Variants in BMP2K observed in about 807,000 individuals in gnomAD.
The protein encoded by BMP2K is BMP2 inducible kinase.
A neutral mutation model predicts 116.0 loss-of-function variants in BMP2K; 74 were observed. The ratio of observed to expected loss-of-function variants is 0.64; its 90% CI spans 0.53 to 0.77. The LOEUF (loss-of-function observed/expected upper bound fraction) is 0.77. BMP2K is among the 30% of genes least tolerant of loss of function. The probability of loss-of-function intolerance (pLI) is 0.00; values close to 1 mark genes in which losing one functional copy is unlikely to be tolerated. For synonymous variants in BMP2K, 486 were observed against 502.5 expected, an observed-to-expected ratio of 0.97 and a Z score of 0.44; for missense variants, 1,365 against 1,403.6, an observed-to-expected ratio of 0.97 and a Z score of 0.44.
chr4:78,890,430 G>A (rs1733372165), intron 15 of BMP2K, among the ~76,000 whole-genome samples: 1 of 149,074 alleles, frequency 6.7e-6, no homozygotes, highest in Admixed American at 6.6e-5. Flanking sequence ...ACACACACGT[G>A]TCCTGTCCTT....
In BMP2K at chr4:78,912,216, C is replaced by T. The variant is rs1042873465; in HGVS notation, c.*183C>T. ...TCTCTACAGGGTAGTAACTTGATTC[C>T]TCTTCAGGAGAAAAGGGAGCTAAAT... On this transcript the variant is annotated 3_prime_UTR_variant, in exon 16 of 16. Transcript: ENST00000502613. The T allele has an allele frequency of 8.7e-6, 5 of 571,528 alleles. No individual in the cohort carries two copies. Among genetic ancestry groups the T allele is most frequent in the African/African-American group, 1.9e-5 (1 of 53,040 alleles). 35.4% of individuals were successfully genotyped at this position (571,528 alleles called of 1,614,324 possible).
intron 13 of BMP2K, among the ~76,000 whole-genome samples, chr4:78,874,978 G>T (rs764505039): frequency 2.7e-4 from 41 of 152,098 alleles, no homozygotes; most frequent in Non-Finnish European, 4.6e-4. Flanking sequence ...TTGCATATCT[G>T]GGAAAGTGCA....
At chr4:78,906,287 G>A (rs534808937) in intron 15 of BMP2K, 1 of 152,180 alleles carries the variant, frequency 6.6e-6, no homozygotes, top group East Asian at 1.9e-4. Context: ...AACAATGTCA[G>A]TGTGGGTTGC....
chr4:78,851,699 C>CA (rs112867325), intron 7 of BMP2K, among the ~76,000 whole-genome samples: 2 of 151,538 alleles, frequency 1.3e-5, no homozygotes, highest in Admixed American at 6.6e-5. Context: ...CGTTTGTGGG[C>CA]AAAAAATAAG....
At chr4:78,871,176 CTT>C in intron 11 of BMP2K, 116 bp downstream of exon 11, 1 of 1,489,394 alleles carries the variant, frequency 6.7e-7, no homozygotes, top group Non-Finnish European at 9.0e-7. Context: ...TGAGTAAACA[CTT>C]TCCCCAATTT....
chr4:78,857,337 G>A (rs1462841809), intron 7 of BMP2K, among the ~76,000 whole-genome samples: 1 of 152,044 alleles, frequency 6.6e-6, no homozygotes, highest in Non-Finnish European at 1.5e-5. Context: ...GGAGGTCCTT[G>A]TGTTTGCTTA....
chr4:78,833,644 T>C lies in BMP2K; in HGVS notation c.360T>C (p.Ser120=). ...GYLDCAVNSI[S]DNVWEVLILM... is the part of the protein sequence containing the mutation. ...TGGACTGTGCTGTTAATTCAATTAGTGATAATGTATGGGAAGTCCTTATCT... is the reference window on the plus strand; with the variant it reads ...TGGACTGTGCTGTTAATTCAATTAGCGATAATGTATGGGAAGTCCTTATCT... Residue 120 remains serine, a synonymous_variant, in exon 3 of 16, where the codon AGT becomes AGC. Transcript: ENST00000502613. 1 of 1,608,918 alleles carries C rather than the reference T, an allele frequency of 6.2e-7. No individual in the cohort carries two copies. The highest frequency in any genetic ancestry group is 8.5e-7 in the Non-Finnish European group (1 of 1,178,566).
At chr4:78,864,313 G>A (rs868572082) in intron 9 of BMP2K, among the ~76,000 whole-genome samples, 9 of 151,702 alleles carry the variant, frequency 5.9e-5, no homozygotes, top group African/African-American at 1.9e-4. Flanking sequence ...AGCATTGATT[G>A]TAATGCCACA....
intron 14 of BMP2K, among the ~76,000 whole-genome samples, chr4:78,880,126 G>C (rs1275448591): frequency 6.6e-6 from 1 of 152,202 alleles, no homozygotes; most frequent in African/African-American, 2.4e-5. Flanking sequence ...AGGCTGGAGT[G>C]CAATGGCGCA....
chr4:78,904,831 T>C (rs1439858947), intron 15 of BMP2K, among the ~76,000 whole-genome samples: 1 of 151,922 alleles, frequency 6.6e-6, no homozygotes, highest in Admixed American at 6.6e-5. Flanking sequence ...GCATAATTAT[T>C]ATATATTGTG....
rs1732794707 is a variant in BMP2K, at chr4:78,879,485, C to A, written c.1951+594C>A. 3.3e-6 allele frequency: 3 copies of A among 901,754 alleles called. No homozygotes were observed. In the Admixed American group the frequency reaches 1.9e-4, roughly 56 times the overall value. The allele number at this position is 901,754 out of a possible 1,614,324, so 55.9% of individuals were successfully genotyped here. On this transcript the variant is annotated intron_variant, in intron 14 of 15. Transcript: ENST00000502613. Reference sequence around the variant, plus strand: ...GGAATCATTGCTTTTCTTTGAACTACCTAATATATGTCAAGCTTCGCCACA... The same window carrying A: ...GGAATCATTGCTTTTCTTTGAACTAACTAATATATGTCAAGCTTCGCCACA...
In BMP2K at chr4:78,847,140, T is replaced by TATA. The variant is rs757474269; in HGVS notation, c.669-48_669-47insATA. On this transcript the variant is annotated intron_variant, in intron 5 of 15. Coordinates refer to ENST00000502613, the MANE Select transcript of BMP2K (RefSeq NM_198892.2). The stretch of plus-strand genomic sequence containing the variant: ...AAACAATGTATTATCTGTCTTTTTT[T>TATA]TATATATATATATATATCTCCACTC... 6.3e-6 allele frequency: 6 copies of TATA among 959,208 alleles called. No homozygotes were observed. In the African/African-American group the frequency reaches 7.0e-5, roughly 11 times the overall value. 59.4% of individuals were successfully genotyped at this position (959,208 alleles called of 1,614,324 possible). A position where few individuals can be genotyped will look rare whatever the true frequency, so the allele number is the denominator to read the frequency against.
intron 10 of BMP2K, among the ~76,000 whole-genome samples, chr4:78,870,399 A>G (rs750938880): frequency 1.2e-4 from 18 of 152,230 alleles, no homozygotes; most frequent in Non-Finnish European, 2.1e-4. Flanking sequence ...TAAACTTTAA[A>G]GAATAAGAAT....
chr4:78,880,426 ATAG>A lies in BMP2K; in HGVS notation c.1951+1536_1951+1538del, dbSNP rs1732840233. ...AGGTGTAACCAAATCATTATAATTT[ATAG>A]GATTATATTTAAAGCAAAAGATATT... On this transcript the variant is annotated intron_variant, in intron 14 of 15. Transcript: ENST00000502613. Among the ~76,000 whole-genome samples the A allele has an allele frequency of 2.0e-5, 3 of 152,340 alleles. No homozygotes were observed. The South Asian group carries it at 6.2e-4, about 32-fold the overall frequency.
chr4:78,892,252 T>C (rs536301510), intron 15 of BMP2K, among the ~76,000 whole-genome samples: 1 of 152,334 alleles, frequency 6.6e-6, no homozygotes, highest in East Asian at 1.9e-4. Context: ...ACATATTTAA[T>C]ATCTTTAATA....
At chr4:78,850,467 G>A (rs1731193728) in intron 6 of BMP2K, among the ~76,000 whole-genome samples, 1 of 151,970 alleles carries the variant, frequency 6.6e-6, no homozygotes, top group Middle Eastern at 3.4e-3. Flanking sequence ...TAAATAGTAA[G>A]AATTTACTGA....
chr4:78,869,230 G>T (rs2110056488), intron 10 of BMP2K, among the ~76,000 whole-genome samples: 1 of 152,154 alleles, frequency 6.6e-6, no homozygotes, highest in East Asian at 1.9e-4. Flanking sequence ...GCTGCTAAGG[G>T]TTGGGGCTTC....
chr4:78,912,710 T>C lies in BMP2K; in HGVS notation c.*677T>C, dbSNP rs1734716335. 1 of 152,170 alleles carries C rather than the reference T, an allele frequency of 6.6e-6. No homozygotes were observed. 9.4% of individuals were successfully genotyped at this position (152,170 alleles called of 1,614,324 possible). A position where few individuals can be genotyped will look rare whatever the true frequency, so the allele number is the denominator to read the frequency against. On this transcript the variant is annotated 3_prime_UTR_variant, in exon 16 of 16. Transcript: ENST00000502613. ...CAATTTAACTATTCCACAACTTACATATTCCAAAACAATGTTATACATGAT... is the reference window on the plus strand; with the variant it reads ...CAATTTAACTATTCCACAACTTACACATTCCAAAACAATGTTATACATGAT...
At chr4:78,887,085 C>A (rs1560546321) in intron 14 of BMP2K, 89 bp from the exon 15 acceptor site, 2 of 921,008 alleles carry the variant, frequency 2.2e-6, no homozygotes, top group Non-Finnish European at 3.3e-6. Flanking sequence ...CTTTAATTTT[C>A]ACTTTTATTT....
Sources: gnomAD v4.1 joint callset for allele counts (sites outside exome capture counted in the v4.1 genomes callset) on GRCh38, gnomAD v4.1.1 for gene constraint, MANE v1.5 for transcripts, NCBI Gene and HGNC (gene_info 2026-07-23, HGNC 2026-07-21) for gene names.